PPRC1: variants seen among roughly 807,000 people sequenced by gnomAD.
PPRC1 encodes PPARG related coactivator 1.
In PPRC1, 23 loss-of-function variants were observed where a neutral mutation model predicts 132.5. That is an observed-to-expected ratio of 0.17 (90% CI 0.12 to 0.25). PPRC1 has a LOEUF of 0.25. PPRC1 is among the 10% of genes least tolerant of loss of function. The probability of loss-of-function intolerance (pLI) is 1.00; values close to 1 mark genes in which losing one functional copy is unlikely to be tolerated. For synonymous variants in PPRC1, 872 were observed against 833.5 expected (o/e 1.05, Z -0.80); for missense variants, 2,006 against 2,089.1 (o/e 0.96, Z 0.78).
rs770951801 is a variant in PPRC1 at position 102,141,295 on chromosome 10, G to T, written c.2787G>T (p.Val929=). The part of the protein sequence containing the change: ...PLPSWPCYPH[V]SPSGYPCLPP... The stretch of plus-strand genomic sequence containing the variant: ...CATCCTGGCCTTGTTATCCTCATGT[G>T]TCCCCTTCTGGCTATCCTTGCCTGC... Residue 929 remains valine (V), a synonymous_variant, in exon 5 of 14, where the codon GTG becomes GTT. Transcript: ENST00000278070. The T allele has an allele frequency of 2.9e-5, 47 of 1,613,732 alleles. No individual in the cohort carries two copies. The highest frequency in any genetic ancestry group is 3.8e-5 in the Non-Finnish European group (45 of 1,179,922).
chr10:102,145,212 TACTC>T (rs2069169977), intron 8 of PPRC1, 122 bp downstream of exon 8: 3 of 923,600 alleles, frequency 3.2e-6, no homozygotes, highest in African/African-American at 1.7e-5. Context: ...AGCCTTGAGA[TACTC>T]ACAGTCTAGG....
intron 1 of PPRC1, 42 bp from the exon 2 acceptor site, chr10:102,137,808 G>T: frequency 6.3e-7 from 1 of 1,575,416 alleles, no homozygotes. Context: ...ATCAGCTGCT[G>T]CCAGAGAGCT....
rs199584586 is a variant in PPRC1 at position 102,149,339 on chromosome 10, G to A, written c.4891+10G>A. On this transcript the variant is annotated intron_variant, in intron 13 of 13. Transcript: ENST00000278070. ...AGCTATTCTGATCTTGGTGAGTGGA[G>A]GGAGGGCCTAAAGCTTTGGAATGCT... 2.2e-5 allele frequency: 35 copies of A among 1,570,414 alleles called. No individual in the cohort carries two copies. The highest frequency in any genetic ancestry group is 3.7e-5 in the Admixed American group (2 of 54,362).
At chr10:102,145,997 A>G (rs952645349) in intron 8 of PPRC1, among the ~76,000 whole-genome samples, 2 of 152,246 alleles carry the variant, frequency 1.3e-5, no homozygotes, top group African/African-American at 4.8e-5. Flanking sequence ...TGGTAGATTT[A>G]GGGAACAGGG....
intron 6 of PPRC1, among the ~76,000 whole-genome samples, chr10:102,143,478 A>G (rs2133683215): frequency 6.6e-6 from 1 of 152,180 alleles, no homozygotes; most frequent in Middle Eastern, 3.4e-3. Flanking sequence ...GGGCACCTGT[A>G]ATCCCAGTTA....
chr10:102,140,626 A>C lies in PPRC1; in HGVS notation c.2118A>C (p.Ala706=). ...TGTCATCAGCCCTGGGGGGTTCAGC[A>C]CCCCAGCTCCTCGTGGAGTCAGAGT... is the stretch of plus-strand genomic sequence containing the variant. ...GAVSSALGGS[A]PQLLVESESL... Residue 706 remains alanine, a synonymous_variant, in exon 5 of 14, where the codon GCA becomes GCC. Coordinates refer to ENST00000278070, the MANE Select transcript of PPRC1 (RefSeq NM_015062.5). 1 of 1,613,920 alleles carries C rather than the reference A, an allele frequency of 6.2e-7. No homozygotes were observed. The highest frequency in any genetic ancestry group is 8.5e-7 in the Non-Finnish European group (1 of 1,179,984).
chr10:102,143,122 C>T (rs549580979), intron 6 of PPRC1, 24 bp downstream of exon 6: 3 of 1,603,680 alleles, frequency 1.9e-6, no homozygotes, highest in Admixed American at 1.7e-5. Context: ...GGTAGTTTTG[C>T]TCCAACTCTT....
chr10:102,146,323 G>A (rs1044519371), intron 8 of PPRC1, among the ~76,000 whole-genome samples: 4 of 152,182 alleles, frequency 2.6e-5, no homozygotes, highest in African/African-American at 9.6e-5. Context: ...GACGATAGAT[G>A]ATGACTGCAT....
chr10:102,144,184 G>A (rs375874383), intron 6 of PPRC1, 66 bp from the exon 7 acceptor site: 9 of 1,512,166 alleles, frequency 6.0e-6, no homozygotes, highest in African/African-American at 4.1e-5. Context: ...CTCAAAGCAA[G>A]CCCTTCTGTG....
chr10:102,137,590 G>A (rs970872321), intron 1 of PPRC1, among the ~76,000 whole-genome samples: 1 of 152,018 alleles, frequency 6.6e-6, no homozygotes. Flanking sequence ...TTTTACTCCC[G>A]GGTTTTAATC....
Position 102,148,485 on chromosome 10 carries a change from C to T in PPRC1, c.4514C>T (p.Ser1505Phe). 6.2e-7 allele frequency: 1 copy of T among 1,613,166 alleles called. No individual in the cohort carries two copies. Among genetic ancestry groups the T allele is most frequent in the Non-Finnish European group, 8.5e-7 (1 of 1,179,092 alleles). The change falls in exon 10 of 14, where the codon TCC becomes TTC. Residue 1505 changes from serine (S) to phenylalanine (F), a missense_variant. Ser to Phe is a radical substitution (Grantham distance 155, BLOSUM62 -2). This residue lies in a region of PPRC1 where 1,914 missense variants were observed against 1,917.2 expected (regional missense o/e 1.00). Coordinates refer to ENST00000278070, the MANE Select transcript of PPRC1 (RefSeq NM_015062.5). The surrounding 1 kb of genome is among the most constrained non-coding windows in gnomAD (Gnocchi z 4.2). The stretch of plus-strand genomic sequence containing the variant: ...TCCAGTTCTCGAAGCCGCTCACGAT[C>T]CCCATCCCCCCGCCGGAGAAGTGAC... Reference protein sequence around the residue: ...SSSSSRSRSRSPSPRRRSDRR... With the variant: ...SSSSSRSRSRFPSPRRRSDRR...
chr10:102,141,878 C>G lies in PPRC1; in HGVS notation c.3370C>G (p.Pro1124Ala), dbSNP rs2068998346. The change falls in exon 5 of 14, where the codon CCA becomes GCA. Residue 1124 changes from proline (P) to alanine (A), a missense_variant. Physicochemically the swap from Pro to Ala is conservative, Grantham distance 27. Transcript: ENST00000278070. ...PLPATKAVPT[P>A]RQSTVPKLPA... is the part of the protein sequence containing the mutation. ...GCCTGCTACCAAGGCTGTTCCCACA[C>G]CAAGGCAGAGCACTGTCCCCAAGCT... The G allele has an allele frequency of 6.2e-7, 1 of 1,614,160 alleles. No homozygotes were observed. The highest frequency in any genetic ancestry group is 8.5e-7 in the Non-Finnish European group (1 of 1,180,016).
At chr10:102,127,020 C>CATAT in the PPRC1 span, among the ~76,000 whole-genome samples, 32 of 87,928 alleles carry the variant, frequency 3.6e-4, no homozygotes, top group African/African-American at 1.7e-3. Context: ...GGTTTTTTAT[C>CATAT]ATATATATAT....
At chr10:102,132,952 G>C (rs1030470693), upstream of PPRC1, 1 of 1,222,752 alleles carries the variant, frequency 8.2e-7, no homozygotes, top group Non-Finnish European at 1.0e-6. Flanking sequence ...CTCGCCGCAC[G>C]GCTCTCTGGG....
At chr10:102,139,036 G>A in intron 4 of PPRC1, 56 bp downstream of exon 4, 1 of 1,601,778 alleles carries the variant, frequency 6.2e-7, no homozygotes. Flanking sequence ...GAGTGTGTGG[G>A]GACAGGTCTG....
Position 102,137,844 on chromosome 10 carries a change from C to T in PPRC1, c.154-6C>T, listed in dbSNP as rs367875665. On this transcript the variant is annotated splice_region_variant and splice_polypyrimidine_tract_variant and intron_variant, in intron 1 of 13. Transcript: ENST00000278070. ...CATACCCTTCTCACCTTCTTCTCTG[C>T]TCCAGGTGCTGCTGCATGAGGAGGC... is the stretch of plus-strand genomic sequence containing the variant. The T allele has an allele frequency of 1.0e-4, 169 of 1,612,934 alleles. No individual in the cohort carries two copies. The highest frequency in any genetic ancestry group is 1.7e-4 in the Middle Eastern group (1 of 5,950).
upstream of PPRC1, chr10:102,132,995 T>C: frequency 8.1e-7 from 1 of 1,233,942 alleles, no homozygotes; most frequent in Non-Finnish European, 1.0e-6. Flanking sequence ...TCGGGAGTTG[T>C]AGTTCCTTTC....
intron 6 of PPRC1, 61 bp from the exon 7 acceptor site, chr10:102,144,186 CCTT>C (rs2069119546): frequency 6.6e-7 from 1 of 1,523,772 alleles, no homozygotes; most frequent in East Asian, 2.3e-5. Flanking sequence ...CAAAGCAAGC[CCTT>C]CTGTGCCGCC....
In PPRC1 at chr10:102,140,477, G is replaced by T. The variant is rs1382323840; in HGVS notation, c.1969G>T (p.Asp657Tyr). ...CATCTCAGATAACTTGCCACCAGTT[G>T]ATGCTGTCCCGTCTGGCCCAGCACC... ...VPISDNLPPV[D>Y]AVPSGPAPVD... The change falls in exon 5 of 14, where the codon GAT becomes TAT. Residue 657 changes from aspartate (D) to tyrosine (Y), a missense_variant. Physicochemically the swap from Asp to Tyr is radical, Grantham distance 160. This residue lies in a region of PPRC1 where 1,914 missense variants were observed against 1,917.2 expected (regional missense o/e 1.00). Coordinates refer to ENST00000278070, the MANE Select transcript of PPRC1 (RefSeq NM_015062.5). 3.7e-6 allele frequency: 6 copies of T among 1,614,168 alleles called. No individual in the cohort carries two copies. The highest frequency in any genetic ancestry group is 4.2e-6 in the Non-Finnish European group (5 of 1,180,028).
Sources: gnomAD v4.1 joint callset for allele counts (sites outside exome capture counted in the v4.1 genomes callset) on GRCh38, gnomAD v4.1.1 for gene constraint, gnomAD v4.1.1 regional missense constraint, Gnocchi (gnomAD v3.1) non-coding constraint, MANE v1.5 for transcripts, NCBI Gene and HGNC (gene_info 2026-07-23, HGNC 2026-07-21) for gene names.